PLPPR1: variants seen among roughly 807,000 people sequenced by gnomAD.
The protein encoded by PLPPR1 is phospholipid phosphatase related 1, also known as phospholipid phosphatase-related protein type 1.
In PLPPR1, 10 loss-of-function variants were observed where a neutral mutation model predicts 33.1. The ratio of observed to expected loss-of-function variants is 0.30; its 90% CI spans 0.19 to 0.51. The LOEUF (loss-of-function observed/expected upper bound fraction) is 0.51. PLPPR1 is among the 20% of genes least tolerant of loss of function. The pLI is 0.97. For synonymous variants in PLPPR1, 151 were observed against 151.0 expected, an observed-to-expected ratio of 1.00 and a Z score of 0.00; for missense variants, 304 against 408.1, an observed-to-expected ratio of 0.74 and a Z score of 2.20.
Position 101,272,207 on chromosome 9 carries a change from G to A in PLPPR1, c.252+2139G>A, listed in dbSNP as rs181552193. Among the ~76,000 whole-genome samples, 262 of 152,168 alleles carry A rather than the reference G, an allele frequency of 1.7e-3. 2 individuals carry two copies. The highest frequency in any genetic ancestry group is 3.4e-3 in the Middle Eastern group (1 of 294). ...ATGTAGCAAAGCTGAATATATGAAT[G>A]CCAACAGAATAAAATTTTAAACATG... On this transcript the variant is annotated intron_variant, in intron 3 of 7. Coordinates refer to ENST00000374874, the MANE Select transcript of PLPPR1 (RefSeq NM_207299.2).
intron 2 of PLPPR1, among the ~76,000 whole-genome samples, chr9:101,237,433 A>G (rs1402582854): frequency 2.0e-5 from 3 of 150,098 alleles, no homozygotes; most frequent in Non-Finnish European, 3.0e-5. Context: ...AGTGTTCATC[A>G]ACTGATTGAA....
chr9:101,134,730 C>T (rs938722211), intron 1 of PLPPR1, among the ~76,000 whole-genome samples: 1 of 152,034 alleles, frequency 6.6e-6, no homozygotes, highest in Non-Finnish European at 1.5e-5. Context: ...CAGTGTATGG[C>T]AAATAACTAA....
intron 1 of PLPPR1, among the ~76,000 whole-genome samples, chr9:101,152,573 G>T (rs1043600532): frequency 6.6e-6 from 1 of 152,128 alleles, no homozygotes; most frequent in African/African-American, 2.4e-5. Context: ...ATTAATTTTT[G>T]TATATGGTGT....
intron 2 of PLPPR1, among the ~76,000 whole-genome samples, chr9:101,220,763 C>T (rs757366970): frequency 6.6e-6 from 1 of 152,314 alleles, no homozygotes; most frequent in East Asian, 1.9e-4. Context: ...CACTGGTTCT[C>T]ATTGAGTCAT....
chr9:101,184,647 GCT>G (rs1826173553), intron 1 of PLPPR1, among the ~76,000 whole-genome samples: 1 of 151,952 alleles, frequency 6.6e-6, no homozygotes, highest in Non-Finnish European at 1.5e-5. Context: ...TTTCATTAAA[GCT>G]TAAAATCTTT....
intron 2 of PLPPR1, among the ~76,000 whole-genome samples, chr9:101,188,483 T>A (rs946498239): frequency 6.6e-6 from 1 of 152,114 alleles, no homozygotes; most frequent in Non-Finnish European, 1.5e-5. Context: ...AATTGTCATG[T>A]TTTTTACTTT....
intron 1 of PLPPR1, among the ~76,000 whole-genome samples, chr9:101,184,830 G>T (rs1193139573): frequency 6.6e-6 from 1 of 151,946 alleles, no homozygotes; most frequent in Non-Finnish European, 1.5e-5. Context: ...AATGAAATGT[G>T]TTATGCCTTT....
At chr9:101,304,654 A>G (rs1020962296) in intron 4 of PLPPR1, among the ~76,000 whole-genome samples, 1 of 152,152 alleles carries the variant, frequency 6.6e-6, no homozygotes. Context: ...GGCAAGACCT[A>G]TGCATGCTCT....
chr9:101,167,200 C>G, intron 1 of PLPPR1, among the ~76,000 whole-genome samples: 1 of 28,542 alleles, frequency 3.5e-5, no homozygotes, highest in Non-Finnish European at 9.3e-5. Context: ...CTCTCTCTCT[C>G]ACACACACAC....
At chr9:101,194,402 G>A (rs1203530113) in intron 2 of PLPPR1, among the ~76,000 whole-genome samples, 3 of 152,098 alleles carry the variant, frequency 2.0e-5, no homozygotes, top group Non-Finnish European at 4.4e-5. Flanking sequence ...GATGCATGTA[G>A]TTTTCTAAGA....
At chr9:101,226,477 A>C (rs967305536) in intron 2 of PLPPR1, among the ~76,000 whole-genome samples, 1 of 152,186 alleles carries the variant, frequency 6.6e-6, no homozygotes, top group African/African-American at 2.4e-5. Context: ...TGTGTTTCTC[A>C]TAGTTCTGGA....
At chr9:101,168,414 C>G (rs1825891794) in intron 1 of PLPPR1, among the ~76,000 whole-genome samples, 1 of 152,122 alleles carries the variant, frequency 6.6e-6, no homozygotes. Context: ...TCATTCCATT[C>G]CTTATGACTA....
intron 4 of PLPPR1, among the ~76,000 whole-genome samples, chr9:101,305,554 C>T (rs1427589695): frequency 6.6e-6 from 1 of 152,162 alleles, no homozygotes; most frequent in Non-Finnish European, 1.5e-5. Context: ...CCTTCCTTTG[C>T]TCACCCCACC....
intron 2 of PLPPR1, among the ~76,000 whole-genome samples, chr9:101,231,762 A>T (rs1827192180): frequency 6.6e-6 from 1 of 151,960 alleles, no homozygotes; most frequent in African/African-American, 2.4e-5. Context: ...ATTTTAGTGA[A>T]CTTTGCTCAT....
chr9:101,280,059 C>T (rs76768532), intron 3 of PLPPR1, among the ~76,000 whole-genome samples: 3,162 of 151,812 alleles, frequency 0.021, 44 homozygotes, highest in Middle Eastern at 0.088. Context: ...CAGACCAAGA[C>T]GAAAAGAGAT....
intron 2 of PLPPR1, among the ~76,000 whole-genome samples, chr9:101,230,145 C>T (rs1471168014): frequency 6.6e-6 from 1 of 152,110 alleles, no homozygotes; most frequent in Non-Finnish European, 1.5e-5. Context: ...AAAATCCAGA[C>T]ATATCATATC....
chr9:101,257,787 T>C (rs1234146403), intron 2 of PLPPR1, among the ~76,000 whole-genome samples: 2 of 151,834 alleles, frequency 1.3e-5, no homozygotes, highest in African/African-American at 4.8e-5. Flanking sequence ...AGCCCATCCA[T>C]AATGATTAGG....
chr9:101,113,689 G>T (rs759474793), intron 1 of PLPPR1, among the ~76,000 whole-genome samples: 6 of 151,900 alleles, frequency 3.9e-5, no homozygotes, highest in Non-Finnish European at 8.8e-5. Context: ...TGCCACTGAA[G>T]CTTTTTCACA....
At chr9:101,041,415 A>G (rs1361437504) in intron 1 of PLPPR1, among the ~76,000 whole-genome samples, 1 of 152,220 alleles carries the variant, frequency 6.6e-6, no homozygotes, top group Non-Finnish European at 1.5e-5. Flanking sequence ...GACACAGATT[A>G]AGGAATCAAG....
Sources: gnomAD v4.1 joint callset for allele counts (sites outside exome capture counted in the v4.1 genomes callset) on GRCh38, gnomAD v4.1.1 for gene constraint, MANE v1.5 for transcripts, NCBI Gene and HGNC (gene_info 2026-07-23, HGNC 2026-07-21) for gene names.